Variants in RADIL observed in about 807,000 individuals in gnomAD.
RADIL encodes ras-associating and dilute domain-containing protein.
Under a neutral mutation model 97.6 loss-of-function variants are expected in RADIL, and 99 were observed. The observed-to-expected ratio is 1.01, with a 90% CI of 0.86 to 1.20. The LOEUF is 1.20. RADIL is among the 50% of genes most tolerant of loss of function. The pLI, the probability that RADIL is intolerant of heterozygous loss-of-function variation, is 0.00. For missense variants in RADIL, 1,765 were observed against 1,498.9 expected (o/e 1.18, Z -2.93); for synonymous variants, 803 against 691.8 (o/e 1.16, Z -2.52).
At chr7:4,859,857 C>T in intron 2 of RADIL, 2 of 1,400,740 alleles carry the variant, frequency 1.4e-6, no homozygotes, top group Non-Finnish European at 2.0e-6. Flanking sequence ...TTTCTTGGTC[C>T]TTTCTTCTTT....
At chr7:4,801,491 G>A (rs899981394) in intron 12 of RADIL, among the ~76,000 whole-genome samples, 162 bp downstream of exon 12, 2 of 152,210 alleles carry the variant, frequency 1.3e-5, no homozygotes, top group African/African-American at 4.8e-5. Context: ...GGGCTGAGCA[G>A]CCCTGAGCCC....
At chr7:4,869,056 A>G (rs933217827) in intron 2 of RADIL, among the ~76,000 whole-genome samples, 1 of 152,204 alleles carries the variant, frequency 6.6e-6, no homozygotes, top group African/African-American at 2.4e-5. Flanking sequence ...GAACCCGAGA[A>G]GTGGAGGTTG....
At position 4,819,260 on chromosome 7, in the gene RADIL, C is replaced by T. The variant is rs568307536; in HGVS notation, c.1616-1909G>A. Among the ~76,000 whole-genome samples the T allele has an allele frequency of 7.9e-5, 12 of 151,616 alleles. No individual in the cohort carries two copies. The highest frequency in any genetic ancestry group is 1.3e-4 in the Non-Finnish European group (9 of 67,886). ...CTAATTTTTGTATTTTTAGTAGAGA[C>T]GGGGTTTCACCATGTTGGCCAGGCT... On this transcript the variant is annotated intron_variant, in intron 6 of 14. Transcript: ENST00000399583. This position sits in a 1 kb window ranked among gnomAD's most constrained non-coding sequence, Gnocchi z 5.8.
chr7:4,830,876 C>T (rs978639572), intron 5 of RADIL, among the ~76,000 whole-genome samples: 2 of 152,094 alleles, frequency 1.3e-5, no homozygotes, highest in Admixed American at 1.3e-4. Context: ...CAAAAATTAG[C>T]TGGCCGTGGT....
At position 4,873,379 on chromosome 7, in the gene RADIL, T is replaced by C. The variant is rs73054331; in HGVS notation, c.535+4226A>G. ...TGCACACCACACAGACACACACACA[T>C]GGTCACACGTGCACATCACATCACC... On this transcript the variant is annotated intron_variant, in intron 2 of 14. Transcript: ENST00000399583. This position sits in a 1 kb window ranked among gnomAD's most constrained non-coding sequence, Gnocchi z 4.3. 1.8e-3 allele frequency among the ~76,000 whole-genome samples: 274 copies of C among 152,210 alleles called. 2 individuals carry two copies. Among genetic ancestry groups the C allele is most frequent in the Middle Eastern group, 3.4e-3 (1 of 294 alleles).
At position 4,837,736 on chromosome 7, in the gene RADIL, C is replaced by T. The variant is rs1023645569; in HGVS notation, c.536-1131G>A. ...GCACAGTTCAGAGATAACACACACC[C>T]TTAGAAGACTTAATATCTCATAAAT... On this transcript the variant is annotated intron_variant, in intron 2 of 14. Coordinates refer to ENST00000399583, the MANE Select transcript of RADIL (RefSeq NM_018059.5). This position sits in a 1 kb window ranked among gnomAD's most constrained non-coding sequence, Gnocchi z 5.6. The T allele has an allele frequency of 2.8e-6, 2 of 715,072 alleles. No homozygotes were observed. The highest frequency in any genetic ancestry group is 6.3e-5 in the Admixed American group (1 of 15,900). The allele number at this position is 715,072 out of a possible 1,614,324, so 44.3% of individuals were successfully genotyped here.
At chr7:4,808,210 T>C (rs1175842155) in intron 9 of RADIL, among the ~76,000 whole-genome samples, 1 of 142,102 alleles carries the variant, frequency 7.0e-6, no homozygotes, top group Non-Finnish European at 1.5e-5. Flanking sequence ...CTCCCTACCC[T>C]GGCATCCCTC....
chr7:4,870,838 T>C (rs1784236157), intron 2 of RADIL, among the ~76,000 whole-genome samples: 1 of 152,208 alleles, frequency 6.6e-6, no homozygotes, highest in Admixed American at 6.5e-5. Context: ...TTATGGAACG[T>C]AGCTGGACGT....
intron 9 of RADIL, chr7:4,809,148 C>T: frequency 2.0e-6 from 2 of 985,192 alleles, no homozygotes; most frequent in Non-Finnish European, 2.4e-6. Flanking sequence ...GTGGGGTGGC[C>T]CGGCCGCTTC....
chr7:4,816,695 G>A (rs900976316), intron 7 of RADIL, among the ~76,000 whole-genome samples: 1 of 152,116 alleles, frequency 6.6e-6, no homozygotes, highest in African/African-American at 2.4e-5. Context: ...GGGGGCTCAG[G>A]GGGATCTGCT....
chr7:4,805,336 G>A, intron 10 of RADIL: 1 of 465,118 alleles, frequency 2.1e-6, no homozygotes, highest in Admixed American at 3.7e-5. Flanking sequence ...TTGGAACTTG[G>A]GCATGGACTC....
rs202108433 is a variant in RADIL, at chr7:4,800,314, G to A, written c.2843-4C>T. On this transcript the variant is annotated splice_region_variant and splice_polypyrimidine_tract_variant and intron_variant, in intron 12 of 14. Transcript: ENST00000399583. The stretch of plus-strand genomic sequence containing the variant: ...TCCGCAAGGGCTGCAGAGTCTCCTG[G>A]GTGGGGGCCAGGAAAGGTGGGTGGG... 1.4e-4 allele frequency: 201 copies of A among 1,447,338 alleles called. 1 individual carries two copies. In the East Asian group the frequency reaches 4.9e-3, roughly 35 times the overall value. The allele number at this position is 1,447,338 out of a possible 1,614,324, so 89.7% of individuals were successfully genotyped here.
In RADIL at chr7:4,880,807, G is replaced by C. The variant is rs559005555; in HGVS notation, c.-64-2604C>G. On this transcript the variant is annotated intron_variant, in intron 1 of 14. Coordinates refer to ENST00000399583, the MANE Select transcript of RADIL (RefSeq NM_018059.5). The surrounding 1 kb of genome is among the most constrained non-coding windows in gnomAD (Gnocchi z 4.5). The stretch of plus-strand genomic sequence containing the variant: ...AAACTGGGGAAGCCCCCTCCAGGCA[G>C]GAGAAAGCCCATATCACAGAAAAGT... Among the ~76,000 whole-genome samples, 1 of 152,214 alleles carries C rather than the reference G, an allele frequency of 6.6e-6. No homozygotes were observed. The highest frequency in any genetic ancestry group is 2.4e-5 in the African/African-American group (1 of 41,460).
rs1378339226 is a variant in RADIL, at chr7:4,883,405, C to T, written c.-65+191G>A. ...TCCGGGTACCGCCCCCCGGTCCAGG[C>T]CGGGGCCCGACAGCCAGTCGGTTCC... On this transcript the variant is annotated intron_variant, in intron 1 of 14. Transcript: ENST00000399583. This position sits in a 1 kb window ranked among gnomAD's most constrained non-coding sequence, Gnocchi z 7.1. Among the ~76,000 whole-genome samples, 7 of 152,070 alleles carry T rather than the reference C, an allele frequency of 4.6e-5. No individual in the cohort carries two copies. Among genetic ancestry groups the T allele is most frequent in the African/African-American group, 7.2e-5 (3 of 41,428 alleles).
intron 2 of RADIL, among the ~76,000 whole-genome samples, chr7:4,866,141 CGTGTGCATGTAT>C (rs1784125898): frequency 1.3e-5 from 2 of 151,974 alleles, no homozygotes; most frequent in African/African-American, 4.8e-5. Flanking sequence ...TGTGCATGTG[CGTGTGCATGTAT>C]GTGTGTTTTA....
chr7:4,857,550 A>AT (rs1270387933), intron 2 of RADIL, among the ~76,000 whole-genome samples: 2 of 151,666 alleles, frequency 1.3e-5, no homozygotes, highest in African/African-American at 2.4e-5. Context: ...GCTTAACTTC[A>AT]TTTTTTACTT....
In RADIL at chr7:4,873,904, G is replaced by A. The variant is rs1487987873; in HGVS notation, c.535+3701C>T. Among the ~76,000 whole-genome samples, 1 of 152,232 alleles carries A rather than the reference G, an allele frequency of 6.6e-6. No homozygotes were observed. The highest frequency in any genetic ancestry group is 2.4e-5 in the African/African-American group (1 of 41,468). ...GGCAGGCTGGCGCCCACGGCTGCTGGAGAAGCTGCTACAGTGAAAAACCCC... is the reference window on the plus strand; with the variant it reads ...GGCAGGCTGGCGCCCACGGCTGCTGAAGAAGCTGCTACAGTGAAAAACCCC... On this transcript the variant is annotated intron_variant, in intron 2 of 14. Transcript: ENST00000399583. This position sits in a 1 kb window ranked among gnomAD's most constrained non-coding sequence, Gnocchi z 4.3.
chr7:4,810,494 G>T (rs1782509916), intron 9 of RADIL, among the ~76,000 whole-genome samples: 1 of 152,168 alleles, frequency 6.6e-6, no homozygotes, highest in Admixed American at 6.5e-5. Context: ...CAGTCACGTT[G>T]CTCTGCCGTA....
intron 9 of RADIL, chr7:4,809,248 C>A: frequency 1.0e-6 from 1 of 985,350 alleles, no homozygotes; most frequent in Non-Finnish European, 1.2e-6. Flanking sequence ...TCGGGCCTGG[C>A]CGCCAAGCTG....
Sources: gnomAD v4.1 joint callset for allele counts (sites outside exome capture counted in the v4.1 genomes callset) on GRCh38, gnomAD v4.1.1 for gene constraint, Gnocchi (gnomAD v3.1) non-coding constraint, MANE v1.5 for transcripts, NCBI Gene and HGNC (gene_info 2026-07-23, HGNC 2026-07-21) for gene names.